ARPC1A: variants seen among roughly 807,000 people sequenced by gnomAD.
The protein encoded by ARPC1A is actin related protein 2/3 complex subunit 1A.
In ARPC1A, 8 loss-of-function variants were observed where a neutral mutation model predicts 46.9. That is an observed-to-expected ratio of 0.17 (90% CI 0.10 to 0.31). ARPC1A has a LOEUF of 0.31. ARPC1A is among the 10% of genes least tolerant of loss of function. The pLI is 1.00. For missense variants in ARPC1A, 286 were observed against 483.6 expected, an observed-to-expected ratio of 0.59 and a Z score of 3.83; for synonymous variants, 152 against 169.0, an observed-to-expected ratio of 0.90 and a Z score of 0.78.
At chr7:99,341,031 G>A (rs367789615) in intron 3 of ARPC1A, among the ~76,000 whole-genome samples, 10 of 152,300 alleles carry the variant, frequency 6.6e-5, no homozygotes, top group African/African-American at 1.4e-4. Flanking sequence ...ATTTTAGGCC[G>A]GGTGCGGTGG....
intron 1 of ARPC1A, among the ~76,000 whole-genome samples, chr7:99,330,886 A>G (rs1226628534): frequency 6.6e-6 from 1 of 152,198 alleles, no homozygotes; most frequent in Non-Finnish European, 1.5e-5. Context: ...TTTTTGAAAA[A>G]TGTTCCCATT....
In ARPC1A at chr7:99,339,043, T is replaced by TA. The variant is rs77526216; in HGVS notation, c.169+759dup. Among the ~76,000 whole-genome samples the TA allele has an allele frequency of 1.1e-3, 172 of 152,286 alleles. 3 individuals are homozygous for TA. In the East Asian group the frequency reaches 0.027, roughly 24 times the overall value. ...CATATCAGATAATCGCCACCAGAAT[T>TA]ACCAACTTTTTCCCTGTGCCAGGAA... On this transcript the variant is annotated intron_variant, in intron 3 of 9. Coordinates refer to ENST00000262942, the MANE Select transcript of ARPC1A (RefSeq NM_006409.4).
At chr7:99,338,316 A>C in intron 3 of ARPC1A, 31 bp downstream of exon 3, 4 of 1,495,416 alleles carry the variant, frequency 2.7e-6, no homozygotes, top group East Asian at 4.7e-5. Flanking sequence ...GCTTAGTGTG[A>C]TATTTCCAAA....
Position 99,359,509 on chromosome 7 carries a change from G to A in ARPC1A, c.790-36G>A, listed in dbSNP as rs3815219. 442 of 1,609,568 alleles carry A rather than the reference G, an allele frequency of 2.7e-4. 6 individuals are homozygous for A. The East Asian group carries it at 9.7e-3, about 35-fold the overall frequency. On this transcript the variant is annotated intron_variant, in intron 7 of 9. Transcript: ENST00000262942. ...CTGCCAAGGAGGTGGGCGGTGGGCA[G>A]TGCATCCTCCAGGGACTGACTGAGT... is the stretch of plus-strand genomic sequence containing the variant.
chr7:99,361,136 G>A (rs1793733268), intron 8 of ARPC1A, among the ~76,000 whole-genome samples: 1 of 152,092 alleles, frequency 6.6e-6, no homozygotes, highest in Admixed American at 6.6e-5. Flanking sequence ...ACAATGAAAT[G>A]CAGGTTGTGC....
At chr7:99,354,213 C>T (rs1793594305) in intron 6 of ARPC1A, 92 bp downstream of exon 6, 2 of 1,413,850 alleles carry the variant, frequency 1.4e-6, no homozygotes, top group Non-Finnish European at 1.9e-6. Context: ...GGTGTTAGCA[C>T]AGGGCACAAA....
At chr7:99,334,609 A>G (rs897717347) in intron 2 of ARPC1A, among the ~76,000 whole-genome samples, 12 of 152,148 alleles carry the variant, frequency 7.9e-5, no homozygotes, top group African/African-American at 2.9e-4. Flanking sequence ...ATTTTTGTGT[A>G]TCCTGTAAGA....
intron 5 of ARPC1A, among the ~76,000 whole-genome samples, chr7:99,349,840 A>C (rs1288636640): frequency 1.3e-5 from 2 of 151,870 alleles, no homozygotes; most frequent in Non-Finnish European, 2.9e-5. Context: ...ACTCTGTCTC[A>C]AAATAAATAA....
At chr7:99,358,118 T>C (rs1257099283) in intron 6 of ARPC1A, among the ~76,000 whole-genome samples, 3 of 151,868 alleles carry the variant, frequency 2.0e-5, no homozygotes, top group Non-Finnish European at 4.4e-5. Flanking sequence ...TGGGAACCAG[T>C]TTGTCGTCAG....
At chr7:99,349,668 C>G (rs1384471552) in intron 5 of ARPC1A, among the ~76,000 whole-genome samples, 2 of 152,052 alleles carry the variant, frequency 1.3e-5, no homozygotes, top group Non-Finnish European at 2.9e-5. Context: ...GAAACCCCGT[C>G]TCTACTAAAA....
At chr7:99,347,680 G>C (rs970892131) in intron 4 of ARPC1A, among the ~76,000 whole-genome samples, 2 of 151,978 alleles carry the variant, frequency 1.3e-5, no homozygotes, top group Non-Finnish European at 2.9e-5. Context: ...CTCCAGCCTG[G>C]ATGACAGAGT....
At chr7:99,353,757 G>T in intron 5 of ARPC1A, 152 bp from the exon 6 acceptor site, 2 of 736,942 alleles carry the variant, frequency 2.7e-6, no homozygotes, top group Non-Finnish European at 4.2e-6. Context: ...AGGATTACAG[G>T]CTTGAGCCAC....
chr7:99,358,467 A>T, intron 7 of ARPC1A, 52 bp downstream of exon 7: 1 of 1,520,760 alleles, frequency 6.6e-7, no homozygotes, highest in Non-Finnish European at 9.1e-7. Context: ...TGATGCTCAG[A>T]CAGGGAACAA....
chr7:99,332,751 G>A (rs375206485), intron 1 of ARPC1A, among the ~76,000 whole-genome samples: 2 of 151,016 alleles, frequency 1.3e-5, no homozygotes, highest in Non-Finnish European at 3.0e-5. Flanking sequence ...ACAGGCGCCC[G>A]CTACCATGCC....
intron 7 of ARPC1A, among the ~76,000 whole-genome samples, 188 bp from the exon 8 acceptor site, chr7:99,359,357 A>G (rs917408128): frequency 1.3e-5 from 2 of 150,638 alleles, no homozygotes; most frequent in African/African-American, 2.4e-5. Flanking sequence ...AATTACTTGA[A>G]CCCGGGAAGC....
intron 4 of ARPC1A, among the ~76,000 whole-genome samples, chr7:99,345,281 TA>T (rs1562799392): frequency 6.6e-6 from 1 of 152,134 alleles, no homozygotes. Context: ...TGTCTTGGTG[TA>T]ATATTTTACT....
At chr7:99,337,113 G>A (rs1283297883) in intron 2 of ARPC1A, among the ~76,000 whole-genome samples, 4 of 151,962 alleles carry the variant, frequency 2.6e-5, no homozygotes, top group Non-Finnish European at 5.9e-5. Flanking sequence ...TAATATATAC[G>A]ATTTGAGCAC....
chr7:99,330,294 G>T (rs1480885339), intron 1 of ARPC1A, among the ~76,000 whole-genome samples: 1 of 151,710 alleles, frequency 6.6e-6, no homozygotes, highest in Non-Finnish European at 1.5e-5. Flanking sequence ...TTACCTTTGG[G>T]TTCCCCCCCC....
At chr7:99,328,530 T>G (rs1277541163) in intron 1 of ARPC1A, among the ~76,000 whole-genome samples, 1 of 152,122 alleles carries the variant, frequency 6.6e-6, no homozygotes, top group African/African-American at 2.4e-5. Flanking sequence ...TTTAGAGATA[T>G]CAAGTGACTT....
Sources: allele counts gnomAD v4.1 joint callset (sites outside exome capture counted in the v4.1 genomes callset), GRCh38; gene constraint gnomAD v4.1.1; transcripts MANE v1.5; gene names NCBI Gene and HGNC (gene_info 2026-07-23, HGNC 2026-07-21).